TRIOBP: variants seen among roughly 807,000 people sequenced by gnomAD.
TRIOBP encodes the protein TRIO and F-actin-binding protein.
TRIOBP carries 169 observed loss-of-function variants against 238.8 expected under a neutral mutation model. The observed-to-expected ratio is 0.71, with a 90% CI of 0.62 to 0.80. The LOEUF (loss-of-function observed/expected upper bound fraction) is 0.80, where lower values mean the gene tolerates loss of function less well. Among genes scored for constraint, TRIOBP ranks in the 30% least tolerant of loss-of-function variants. TRIOBP has a pLI of 0.00. For missense variants in TRIOBP, 2,838 were observed against 3,122.6 expected (o/e 0.91, Z 2.17); for synonymous variants, 1,150 against 1,274.4 (o/e 0.90, Z 2.08).
intron 18 of TRIOBP, among the ~76,000 whole-genome samples, chr22:37,767,463 G>A (rs1370869263): frequency 6.6e-6 from 1 of 152,174 alleles, no homozygotes; most frequent in Admixed American, 6.5e-5. Flanking sequence ...GCCAGCAGGA[G>A]CTAATGTTGG....
chr22:37,751,668 G>C (rs1310518034), intron 11 of TRIOBP, 104 bp from the exon 12 acceptor site: 7 of 1,373,958 alleles, frequency 5.1e-6, no homozygotes, highest in Non-Finnish European at 7.2e-6. Flanking sequence ...CAGGAGCTCG[G>C]TCCCACAGGA....
chr22:37,760,732 T>C (rs1926196956), intron 17 of TRIOBP, among the ~76,000 whole-genome samples: 1 of 152,056 alleles, frequency 6.6e-6, no homozygotes, highest in Non-Finnish European at 1.5e-5. Flanking sequence ...CCCAGCACTT[T>C]GGGGAGGCCG....
intron 5 of TRIOBP, among the ~76,000 whole-genome samples, chr22:37,715,362 A>T (rs1923459076): frequency 1.4e-5 from 2 of 147,800 alleles, no homozygotes; most frequent in Non-Finnish European, 3.0e-5. Flanking sequence ...TTGTTTTTTG[A>T]GACAGAGTCT....
In TRIOBP at chr22:37,725,666, C is replaced by G. The variant is rs753286657; in HGVS notation, c.3110C>G (p.Pro1037Arg). Residue 1037 changes from proline (P) to arginine (R), a missense_variant, in exon 7 of 24, where the codon CCC becomes CGC. Around this residue, in one of 5 missense-constraint regions of TRIOBP, gnomAD observed 2,096 missense variants for 2,137.4 expected, o/e 0.98. Coordinates refer to ENST00000644935, the MANE Select transcript of TRIOBP (RefSeq NM_001039141.3). ...CCCCCTCGCTATTTGCAGCACGACC[C>G]CTTCCCCTTCTTCCCAGAGCCCCGC... Reference protein sequence around the residue: ...SSPPRYLQHDPFPFFPEPRAP... With the variant: ...SSPPRYLQHDRFPFFPEPRAP... The G allele has an allele frequency of 4.6e-5, 75 of 1,613,376 alleles. No individual in the cohort carries two copies. The highest frequency in any genetic ancestry group is 6.2e-5 in the Non-Finnish European group (73 of 1,179,828).
At chr22:37,758,996 A>G (rs1926097963) in intron 16 of TRIOBP, among the ~76,000 whole-genome samples, 158 bp from the exon 17 acceptor site, 1 of 151,982 alleles carries the variant, frequency 6.6e-6, no homozygotes, top group Admixed American at 6.5e-5. Flanking sequence ...ATCTCACTCC[A>G]GGGCTGCTTG....
Position 37,765,698 on chromosome 22 carries a change from T to TG in TRIOBP, c.6355dup (p.Glu2119GlyfsTer32). ...GCATGTGAGCGCAGCCTGGCAGAGA[T>TG]GGAGTCCTCGCACCAGCAGGTGATG... On this transcript the variant is annotated frameshift_variant, in exon 18 of 24. Coordinates refer to ENST00000644935, the MANE Select transcript of TRIOBP (RefSeq NM_001039141.3). LOFTEE classifies it high-confidence loss of function. 1 of 1,553,248 alleles carries TG rather than the reference T, an allele frequency of 6.4e-7. No individual in the cohort carries two copies. Among genetic ancestry groups the TG allele is most frequent in the Non-Finnish European group, 8.7e-7 (1 of 1,148,984 alleles).
At chr22:37,716,031 T>C in intron 6 of TRIOBP, 97 bp downstream of exon 6, 1 of 1,371,722 alleles carries the variant, frequency 7.3e-7, no homozygotes. Context: ...ACGGCTTACT[T>C]TGGTGGCCTG....
chr22:37,735,797 CTCAGT>C (rs1407214706), intron 9 of TRIOBP, among the ~76,000 whole-genome samples: 2 of 152,228 alleles, frequency 1.3e-5, no homozygotes, highest in Non-Finnish European at 2.9e-5. Context: ...CCCAGGTCTG[CTCAGT>C]GCAGACCACA....
Position 37,765,763 on chromosome 22 carries a change from C to T in TRIOBP, c.6418C>T (p.Leu2140=). 14 of 1,585,158 alleles carry T rather than the reference C, an allele frequency of 8.8e-6. No homozygotes were observed. The highest frequency in any genetic ancestry group is 1.1e-5 in the South Asian group (1 of 87,068). ...GCACCACGAGCGGGAGCTGCAGCGC[C>T]TGCAGCAGGAGAAGGAGTGGCTCCT... ...QRHHERELQR[L]QQEKEWLLAE... is the part of the protein sequence containing the mutation. The change falls in exon 18 of 24, where the codon CTG becomes TTG. Residue 2140 remains leucine (L), a synonymous_variant. Coordinates refer to ENST00000644935, the MANE Select transcript of TRIOBP (RefSeq NM_001039141.3).
intron 11 of TRIOBP, chr22:37,751,069 G>A (rs970169301): frequency 4.8e-6 from 2 of 415,732 alleles, no homozygotes; most frequent in Non-Finnish European, 9.8e-6. Context: ...AGCATGGTCA[G>A]AAAAATATCA....
In TRIOBP at chr22:37,719,988, T is replaced by TCACACTGCACTCCCTGTTTCACTCA. The variant is rs1555895416; in HGVS notation, c.629-3196_629-3195insACACTGCACTCCCTGTTTCACTCAC. Among the ~76,000 whole-genome samples the TCACACTGCACTCCCTGTTTCACTCA allele has an allele frequency of 6.5e-5, 2 of 30,888 alleles. 1 individual carries two copies. Among genetic ancestry groups the TCACACTGCACTCCCTGTTTCACTCA allele is most frequent in the Non-Finnish European group, 1.4e-4 (2 of 14,720 alleles). 20.3% of individuals were successfully genotyped at this position (30,888 alleles called of 152,430 possible). On this transcript the variant is annotated intron_variant, in intron 6 of 23. Coordinates refer to ENST00000644935, the MANE Select transcript of TRIOBP (RefSeq NM_001039141.3). ...CACACTGCACTCACTGTTTCACTCA[T>TCACACTGCACTCCCTGTTTCACTCA]CCCCCCCCGCCCTTTTTTTTTTTTT...
chr22:37,702,221 CAG>C (rs1922689275), intron 3 of TRIOBP, among the ~76,000 whole-genome samples: 2 of 152,078 alleles, frequency 1.3e-5, no homozygotes, highest in East Asian at 1.9e-4. Flanking sequence ...TTTTTTGAGA[CAG>C]AGTCTCACTC....
At chr22:37,755,355 T>C in intron 14 of TRIOBP, 165 bp downstream of exon 14, 1 of 922,708 alleles carries the variant, frequency 1.1e-6, no homozygotes, top group South Asian at 1.4e-5. Flanking sequence ...ACACTTAGCA[T>C]ATCTGGGGGA....
intron 2 of TRIOBP, 140 bp from the exon 3 acceptor site, chr22:37,701,166 A>G (rs1006205722): frequency 1.9e-5 from 11 of 567,510 alleles, no homozygotes; most frequent in African/African-American, 1.5e-4. Flanking sequence ...ACAGGAATGG[A>G]TGGAGAACAG....
intron 2 of TRIOBP, among the ~76,000 whole-genome samples, chr22:37,699,017 T>G (rs1226219950): frequency 6.6e-6 from 1 of 152,042 alleles, no homozygotes; most frequent in Non-Finnish European, 1.5e-5. Context: ...GGTGCATGCC[T>G]GTGATCCCAG....
intron 15 of TRIOBP, among the ~76,000 whole-genome samples, chr22:37,756,974 C>T (rs575178193): frequency 6.6e-6 from 1 of 152,168 alleles, no homozygotes; most frequent in East Asian, 1.9e-4. Context: ...CAAAAAGCCC[C>T]CTGCCTGCTT....
At chr22:37,758,288 A>G in intron 16 of TRIOBP, 150 bp downstream of exon 16, 2 of 1,070,272 alleles carry the variant, frequency 1.9e-6, no homozygotes, top group Non-Finnish European at 1.4e-6. Context: ...ACTCCTGCGA[A>G]CTAGAATCTT....
intron 3 of TRIOBP, among the ~76,000 whole-genome samples, chr22:37,705,615 G>T (rs544324882): frequency 6.6e-6 from 1 of 151,642 alleles, no homozygotes; most frequent in Non-Finnish European, 1.5e-5. Context: ...TCGCTCTGTC[G>T]CACAGGCTGG....
intron 6 of TRIOBP, among the ~76,000 whole-genome samples, chr22:37,719,048 A>T (rs1252246759): frequency 6.7e-6 from 1 of 150,004 alleles, no homozygotes; most frequent in East Asian, 2.0e-4. Flanking sequence ...GGGTTTCACC[A>T]TGTTGAGCCT....
Sources: gnomAD v4.1 joint callset for allele counts (sites outside exome capture counted in the v4.1 genomes callset) on GRCh38, gnomAD v4.1.1 for gene constraint, gnomAD v4.1.1 regional missense constraint, MANE v1.5 for transcripts, NCBI Gene and HGNC (gene_info 2026-07-23, HGNC 2026-07-21) for gene names.